Variants in WNK1 observed in about 807,000 individuals in gnomAD.
WNK1 encodes serine/threonine-protein kinase WNK1.
WNK1 carries 38 observed loss-of-function variants against 222.8 expected under a neutral mutation model. The ratio of observed to expected loss-of-function variants is 0.17; its 90% CI spans 0.13 to 0.22. WNK1 has a LOEUF of 0.22. WNK1 is among the 10% of genes least tolerant of loss of function. The probability of loss-of-function intolerance (pLI) is 1.00; values close to 1 mark genes in which losing one functional copy is unlikely to be tolerated. For missense variants in WNK1, 2,348 were observed against 2,918.4 expected (o/e 0.80, Z 4.50); for synonymous variants, 1,090 against 1,092.9 (o/e 1.00, Z 0.05).
chr12:840,638 G>A (rs181123605), intron 4 of WNK1, among the ~76,000 whole-genome samples: 2 of 152,188 alleles, frequency 1.3e-5, no homozygotes, highest in Non-Finnish European at 2.9e-5. Context: ...GATACATACA[G>A]CCTACAATAT....
At chr12:860,927 CTTT>C (rs11286613) in intron 6 of WNK1, 83 bp from the exon 7 acceptor site, 913 of 962,610 alleles carry the variant, frequency 9.5e-4, no homozygotes, top group Admixed American at 2.5e-3. Context: ...TTTACAATGC[CTTT>C]TTTTTTTTTG....
In WNK1 at chr12:808,455, C is replaced by T. The variant is rs115260788; in HGVS notation, c.760-5187C>T. On this transcript the variant is annotated intron_variant, in intron 1 of 27. Coordinates refer to ENST00000315939, the MANE Select transcript of WNK1 (RefSeq NM_018979.4). Reference sequence around the variant, plus strand: ...TTTATTAATGTATTTTTATTTGTTGCCTTTGTCCACATGTTCTAAGCCATT... The same window carrying T: ...TTTATTAATGTATTTTTATTTGTTGTCTTTGTCCACATGTTCTAAGCCATT... 2.0e-3 allele frequency among the ~76,000 whole-genome samples: 305 copies of T among 151,872 alleles called. 3 individuals are homozygous for T. The highest frequency in any genetic ancestry group is 7.3e-3 in the African/African-American group (301 of 41,408).
intron 1 of WNK1, among the ~76,000 whole-genome samples, chr12:804,939 TTATA>T (rs61588639): frequency 0.42 from 61,694 of 146,156 alleles, 14,589 homozygotes; most frequent in East Asian, 0.81. Flanking sequence ...TTTATAAATA[TTATA>T]TATATATAAT....
At chr12:855,779 A>G (rs2154059693) in intron 4 of WNK1, among the ~76,000 whole-genome samples, 1 of 152,194 alleles carries the variant, frequency 6.6e-6, no homozygotes, top group Non-Finnish European at 1.5e-5. Flanking sequence ...CCTCTTAGAC[A>G]GTAGCATTTT....
In WNK1 at chr12:907,890, A is replaced by T; in HGVS notation, c.6687A>T (p.Gln2229His). 1 of 1,614,110 alleles carries T rather than the reference A, an allele frequency of 6.2e-7. No homozygotes were observed. Among genetic ancestry groups the T allele is most frequent in the Non-Finnish European group, 8.5e-7 (1 of 1,180,038 alleles). ...TNTVGATVNS[Q>H]AAQAQPPAMT... The stretch of plus-strand genomic sequence containing the variant: ...CTGTTGGGGCAACAGTGAACAGCCA[A>T]GCCGCCCAAGCTCAGCCTCCTGCCA... The change falls in exon 27 of 28, where the codon CAA (glutamine) becomes CAT (histidine). Residue 2229 changes from glutamine (Q) to histidine (H), a missense_variant. Around this residue, in one of 13 missense-constraint regions of WNK1, gnomAD observed 1,144 missense variants for 1,273.6 expected, o/e 0.90. Coordinates refer to ENST00000315939, the MANE Select transcript of WNK1 (RefSeq NM_018979.4).
At chr12:881,882 G>T (rs1953197136) in intron 13 of WNK1, 29 bp from the exon 14 acceptor site, 6 of 1,613,810 alleles carry the variant, frequency 3.7e-6, no homozygotes, top group Non-Finnish European at 3.4e-6. Context: ...ATTATAAACT[G>T]CACTTTTTTT....
At chr12:853,976 G>T (rs558575114) in intron 4 of WNK1, among the ~76,000 whole-genome samples, 12 of 152,228 alleles carry the variant, frequency 7.9e-5, no homozygotes, top group African/African-American at 2.9e-4. Context: ...GTCTCAAACA[G>T]CTGGGCTCAA....
rs1348436639 is a variant in WNK1 at position 821,010 on chromosome 12, A to G, written c.933-6032A>G. 2.8e-5 allele frequency among the ~76,000 whole-genome samples: 4 copies of G among 141,734 alleles called. No homozygotes were observed. In the East Asian group the frequency reaches 8.1e-4, roughly 29 times the overall value. The allele number at this position is 141,734 out of a possible 152,430, so 93.0% of individuals were successfully genotyped here. ...TAAATGTTCTTTATCATGTTGAGGA[A>G]GTTCTCTGCTATTCCTATCCTAGTT... On this transcript the variant is annotated intron_variant, in intron 2 of 27. Transcript: ENST00000315939.
intron 1 of WNK1, among the ~76,000 whole-genome samples, chr12:755,921 G>T (rs1248358590): frequency 6.6e-6 from 1 of 152,264 alleles, no homozygotes; most frequent in Non-Finnish European, 1.5e-5. Flanking sequence ...GTTGCAGTGA[G>T]CGGAGATCGC....
At chr12:809,352 C>G (rs1402200115) in intron 1 of WNK1, among the ~76,000 whole-genome samples, 2 of 151,588 alleles carry the variant, frequency 1.3e-5, no homozygotes, top group East Asian at 3.9e-4. Context: ...CCCCTCCCCC[C>G]CATAATTATG....
intron 4 of WNK1, 62 bp downstream of exon 4, chr12:830,222 G>T: frequency 1.3e-6 from 2 of 1,571,762 alleles, no homozygotes; most frequent in Non-Finnish European, 1.7e-6. Context: ...TCCCAAGGTG[G>T]ATGACATCAA....
chr12:830,297 G>C, intron 4 of WNK1, 137 bp downstream of exon 4: 1 of 941,600 alleles, frequency 1.1e-6, no homozygotes, highest in East Asian at 2.6e-5. Flanking sequence ...GGGGGGTGGT[G>C]TTGAGGTATG....
intron 1 of WNK1, among the ~76,000 whole-genome samples, chr12:776,711 T>TGA (rs1341692550): frequency 1.3e-5 from 2 of 152,150 alleles, no homozygotes; most frequent in African/African-American, 2.4e-5. Context: ...ATTACAGGTG[T>TGA]GAGCTACCGC....
At chr12:864,811 A>G (rs1396732867) in intron 8 of WNK1, among the ~76,000 whole-genome samples, 3 of 152,118 alleles carry the variant, frequency 2.0e-5, no homozygotes, top group East Asian at 1.9e-4. Flanking sequence ...GTCATTCTTA[A>G]ATTCATACAC....
At position 879,590 on chromosome 12, in the gene WNK1, A is replaced by G. The variant is rs778701544; in HGVS notation, c.2391A>G (p.Pro797=). The change falls in exon 11 of 28, where the codon CCA becomes CCG. Residue 797 remains proline (P), a synonymous_variant. Coordinates refer to ENST00000315939, the MANE Select transcript of WNK1 (RefSeq NM_018979.4). ...CTTCCCAGCTTCCAGTTTCCCAGCC[A>G]GTACCAACTATCCAAGGCGAACCTC... The part of the protein sequence containing the change: ...SAGKQLPVSQ[P]VPTIQGEPQI... 6.3e-7 allele frequency: 1 copy of G among 1,593,768 alleles called. No individual in the cohort carries two copies. Among genetic ancestry groups the G allele is most frequent in the Non-Finnish European group, 8.5e-7 (1 of 1,175,380 alleles).
intron 1 of WNK1, among the ~76,000 whole-genome samples, chr12:755,259 G>A (rs1939825135): frequency 1.3e-5 from 2 of 152,178 alleles, no homozygotes; most frequent in South Asian, 4.1e-4. Context: ...GCAGGTTTAT[G>A]CTGAAGGAAG....
At chr12:905,072 TGATGTGG>T (rs998093721) in intron 26 of WNK1, among the ~76,000 whole-genome samples, 6 of 152,172 alleles carry the variant, frequency 3.9e-5, no homozygotes, top group African/African-American at 1.4e-4. Context: ...TAGGATCTGG[TGATGTGG>T]GAATAGGGGA....
intron 4 of WNK1, among the ~76,000 whole-genome samples, chr12:852,800 T>A (rs1950510371): frequency 6.6e-6 from 1 of 152,190 alleles, no homozygotes; most frequent in Non-Finnish European, 1.5e-5. Flanking sequence ...AAACTGTAAC[T>A]TTGTATTTAT....
chr12:877,500 A>G (rs1257715262), intron 9 of WNK1, among the ~76,000 whole-genome samples: 1 of 152,230 alleles, frequency 6.6e-6, no homozygotes, highest in Non-Finnish European at 1.5e-5. Context: ...AATTAGGTGT[A>G]TAATTACGCA....
Sources: gnomAD v4.1 joint callset for allele counts (sites outside exome capture counted in the v4.1 genomes callset) on GRCh38, gnomAD v4.1.1 for gene constraint, gnomAD v4.1.1 regional missense constraint, MANE v1.5 for transcripts, NCBI Gene and HGNC (gene_info 2026-07-23, HGNC 2026-07-21) for gene names.